Variants in ELAVL2 observed in about 807,000 individuals in gnomAD.
ELAVL2 encodes ELAV like RNA binding protein 2, also known as ELAV-like protein 2.
ELAVL2 carries 4 observed loss-of-function variants against 34.6 expected under a neutral mutation model. The ratio of observed to expected loss-of-function variants is 0.12; its 90% CI spans 0.06 to 0.26. The LOEUF is 0.26. Among genes scored for constraint, ELAVL2 ranks in the 10% least tolerant of loss-of-function variants. The pLI is 1.00. For synonymous variants in ELAVL2, 193 were observed against 154.8 expected (o/e 1.25, Z -1.83); for missense variants, 432 against 442.8 (o/e 0.98, Z 0.22).
upstream of ELAVL2, among the ~76,000 whole-genome samples, chr9:23,827,213 T>G (rs944752432): frequency 6.6e-6 from 1 of 152,232 alleles, no homozygotes; most frequent in East Asian, 1.9e-4. Flanking sequence ...ACAGCAAAGA[T>G]AGTTGAACCT....
At chr9:23,749,071 A>G (rs191980853) in intron 2 of ELAVL2, among the ~76,000 whole-genome samples, 13 of 152,266 alleles carry the variant, frequency 8.5e-5, no homozygotes, top group African/African-American at 2.6e-4. Context: ...TGACGGCTGC[A>G]TAATACTGTG....
intron 2 of ELAVL2, among the ~76,000 whole-genome samples, chr9:23,736,533 T>C (rs966140020): frequency 3.3e-5 from 5 of 152,148 alleles, no homozygotes; most frequent in East Asian, 1.9e-4. Flanking sequence ...GAGCAGGCCC[T>C]ATCCTGCAGG....
chr9:23,759,706 ATATAG>A (rs1416766979), intron 2 of ELAVL2, among the ~76,000 whole-genome samples: 1 of 145,550 alleles, frequency 6.9e-6, no homozygotes. Context: ...TATATACTAT[ATATAG>A]TAGTGTACAC....
At chr9:23,802,752 A>G (rs1423669224) in intron 1 of ELAVL2, among the ~76,000 whole-genome samples, 5 of 152,232 alleles carry the variant, frequency 3.3e-5, no homozygotes, top group Admixed American at 6.5e-5. Flanking sequence ...TTCTGCATTC[A>G]GTCTGTTGCA....
At chr9:23,783,048 T>A (rs1315203070) in intron 1 of ELAVL2, among the ~76,000 whole-genome samples, 1 of 152,180 alleles carries the variant, frequency 6.6e-6, no homozygotes, top group African/African-American at 2.4e-5. Flanking sequence ...ACTATTTGGC[T>A]AGAGTGAGAG....
Position 23,711,298 on chromosome 9 carries a change from G to A in ELAVL2, c.334-6227C>T, listed in dbSNP as rs1345788708. ...TACACACAGAACCTTAAATTTTATC[G>A]TGACTGGATTTGTTGAATGTTTTAA... On this transcript the variant is annotated intron_variant, in intron 3 of 6. Coordinates refer to ENST00000397312, the MANE Select transcript of ELAVL2 (RefSeq NM_004432.5). Among the ~76,000 whole-genome samples, 7 of 152,096 alleles carry A rather than the reference G, an allele frequency of 4.6e-5. No individual in the cohort carries two copies. In the East Asian group the frequency reaches 1.2e-3, roughly 25 times the overall value.
intron 1 of ELAVL2, among the ~76,000 whole-genome samples, chr9:23,775,031 G>A (rs1247260562): frequency 6.6e-6 from 1 of 152,048 alleles, no homozygotes; most frequent in East Asian, 1.9e-4. Flanking sequence ...TTAAACTGTG[G>A]CTTTAAAATC....
At position 23,810,852 on chromosome 9, in the gene ELAVL2, G is replaced by A. The variant is rs746812715; in HGVS notation, c.-16+14954C>T. ...TCACCATTACTAGAGGAAATGCTCCGTGTCTCCTGGTTCCATCACCTTGTG... is the reference window on the plus strand; with the variant it reads ...TCACCATTACTAGAGGAAATGCTCCATGTCTCCTGGTTCCATCACCTTGTG... On this transcript the variant is annotated intron_variant, in intron 1 of 6. Coordinates refer to ENST00000397312, the MANE Select transcript of ELAVL2 (RefSeq NM_004432.5). Among the ~76,000 whole-genome samples, 3 of 152,230 alleles carry A rather than the reference G, an allele frequency of 2.0e-5. No homozygotes were observed. In the East Asian group the frequency reaches 5.8e-4, roughly 29 times the overall value.
At chr9:23,717,177 T>C (rs2042529609) in intron 3 of ELAVL2, among the ~76,000 whole-genome samples, 1 of 152,214 alleles carries the variant, frequency 6.6e-6, no homozygotes, top group African/African-American at 2.4e-5. Context: ...CCAAGTCTTC[T>C]TTGACCTACT....
chr9:23,763,382 G>A (rs2136068912), intron 1 of ELAVL2, among the ~76,000 whole-genome samples: 1 of 152,098 alleles, frequency 6.6e-6, no homozygotes, highest in South Asian at 2.1e-4. Flanking sequence ...ACCTATCTTT[G>A]GACAGCCAAG....
chr9:23,702,584 T>TAA (rs369905257), intron 4 of ELAVL2, among the ~76,000 whole-genome samples: 19 of 141,490 alleles, frequency 1.3e-4, no homozygotes, highest in African/African-American at 4.9e-4. Context: ...TGGAGGAGCT[T>TAA]AAAAAAAAAA....
At chr9:23,720,382 C>T (rs2039162) in intron 3 of ELAVL2, among the ~76,000 whole-genome samples, 28,702 of 150,816 alleles carry the variant, frequency 0.19, 2,964 homozygotes, top group Admixed American at 0.27. Context: ...GTCATGTTGG[C>T]GGCCAAGCTG....
Position 23,767,408 on chromosome 9 carries a change from C to A in ELAVL2, c.-15-5159G>T, listed in dbSNP as rs2056499981. On this transcript the variant is annotated intron_variant, in intron 1 of 6. Transcript: ENST00000397312. The stretch of plus-strand genomic sequence containing the variant: ...TTTCTAATCTTACAATTAAAAAATT[C>A]TGCAAACTAAGGTAATCAGCTTCTT... Among the ~76,000 whole-genome samples the A allele has an allele frequency of 2.0e-5, 3 of 152,136 alleles. No homozygotes were observed. In the South Asian group the frequency reaches 6.2e-4, roughly 31 times the overall value.
At chr9:23,696,001 G>C (rs2035049157) in intron 5 of ELAVL2, among the ~76,000 whole-genome samples, 1 of 152,128 alleles carries the variant, frequency 6.6e-6, no homozygotes, top group Non-Finnish European at 1.5e-5. Flanking sequence ...TCCAAATTAT[G>C]ATAGGGCATC....
At chr9:23,844,072 G>A in the ELAVL2 span, among the ~76,000 whole-genome samples, 2 of 151,712 alleles carry the variant, frequency 1.3e-5, no homozygotes, top group Non-Finnish European at 2.9e-5. Flanking sequence ...CTTTAAAATG[G>A]AAAAAAAGTC....
chr9:23,814,742 T>C (rs759613311), intron 1 of ELAVL2, among the ~76,000 whole-genome samples: 2 of 152,146 alleles, frequency 1.3e-5, no homozygotes, highest in Non-Finnish European at 2.9e-5. Context: ...TGGATACCTC[T>C]GCAATAAAGG....
chr9:23,776,427 G>C (rs1418780162), intron 1 of ELAVL2, among the ~76,000 whole-genome samples: 1 of 152,118 alleles, frequency 6.6e-6, no homozygotes. Context: ...GAGGAAACCT[G>C]AAGTTTATAC....
chr9:23,708,521 T>G (rs1306000426), intron 3 of ELAVL2, among the ~76,000 whole-genome samples: 1 of 152,228 alleles, frequency 6.6e-6, no homozygotes. Flanking sequence ...AGTGAGTGTT[T>G]CAGTTCACTT....
intron 3 of ELAVL2, 137 bp downstream of exon 3, chr9:23,730,885 A>G: frequency 1.3e-6 from 1 of 769,882 alleles, no homozygotes; most frequent in Non-Finnish European, 2.0e-6. Context: ...ATCTTGCAAC[A>G]AACACCAAAA....
Sources: gnomAD v4.1 joint callset for allele counts (sites outside exome capture counted in the v4.1 genomes callset) on GRCh38, gnomAD v4.1.1 for gene constraint, MANE v1.5 for transcripts, NCBI Gene and HGNC (gene_info 2026-07-23, HGNC 2026-07-21) for gene names.